CES5A: variants seen among roughly 807,000 people sequenced by gnomAD.
The protein encoded by CES5A is carboxylesterase 5.
A neutral mutation model predicts 62.9 loss-of-function variants in CES5A; 67 were observed. The observed-to-expected ratio is 1.07, with a 90% CI of 0.88 to 1.31. The LOEUF is 1.31. Among genes scored for constraint, CES5A ranks in the 50% most tolerant of loss-of-function variants. The probability of loss-of-function intolerance (pLI) is 0.00; values close to 1 mark genes in which losing one functional copy is unlikely to be tolerated. For missense variants in CES5A, 748 were observed against 708.5 expected, an observed-to-expected ratio of 1.06 and a Z score of -0.63; for synonymous variants, 296 against 280.8, an observed-to-expected ratio of 1.05 and a Z score of -0.54.
At chr16:55,856,057 C>A (rs2142390404) in intron 9 of CES5A, among the ~76,000 whole-genome samples, 1 of 152,308 alleles carries the variant, frequency 6.6e-6, no homozygotes, top group African/African-American at 2.4e-5. Flanking sequence ...GACATGACTT[C>A]TTCCCCTGCA....
chr16:55,878,773 G>A (rs1311099393), upstream of CES5A, among the ~76,000 whole-genome samples: 1 of 136,962 alleles, frequency 7.3e-6, no homozygotes, highest in East Asian at 2.2e-4. Flanking sequence ...CCCCATCACT[G>A]CACCTCCACC....
upstream of CES5A, among the ~76,000 whole-genome samples, chr16:55,876,109 TCCTTGGAGTACA>T (rs2033689869): frequency 6.6e-6 from 1 of 152,248 alleles, no homozygotes. Flanking sequence ...ACTGTCTTCC[TCCTTGGAGTACA>T]CCTAGGACTT....
intron 1 of CES5A, among the ~76,000 whole-genome samples, chr16:55,892,584 C>A (rs1204110275): frequency 6.6e-6 from 1 of 152,052 alleles, no homozygotes; most frequent in East Asian, 1.9e-4. Flanking sequence ...ATACAAAAAA[C>A]TCAAGCAATT....
chr16:55,875,469 GC>G (rs1394248590), upstream of CES5A: 1 of 908,492 alleles, frequency 1.1e-6, no homozygotes, highest in Non-Finnish European at 1.5e-6. Context: ...AATTTGATAG[GC>G]TTTGGACTTC....
In CES5A at chr16:55,866,101, A is replaced by G. The variant is rs748780490; in HGVS notation, c.567T>C (p.His189=). ...IFGFFTTWDQ[H]APGNWAFKDQ... is the part of the protein sequence containing the mutation. ...CCTTGAAGGCCCAGTTCCCCGGAGC[A>G]TGCTGATCCCATGTGCTGAGGACAA... The change falls in exon 5 of 13, where the codon CAT becomes CAC. Residue 189 remains histidine, a synonymous_variant. Coordinates refer to ENST00000290567, the MANE Select transcript of CES5A (RefSeq NM_001143685.2). 1 of 1,613,182 alleles carries G rather than the reference A, an allele frequency of 6.2e-7. No individual in the cohort carries two copies. Among genetic ancestry groups the G allele is most frequent in the Non-Finnish European group, 8.5e-7 (1 of 1,179,484 alleles).
intron 1 of CES5A, among the ~76,000 whole-genome samples, chr16:55,888,638 C>T (rs750311335): frequency 2.0e-5 from 3 of 152,186 alleles, no homozygotes; most frequent in South Asian, 2.1e-4. Context: ...CTCTGCTTTT[C>T]GGGGAATCCA....
chr16:55,913,411 G>C (rs1480001418), intron 1 of CES5A, among the ~76,000 whole-genome samples: 5 of 152,160 alleles, frequency 3.3e-5, no homozygotes, highest in African/African-American at 1.2e-4. Context: ...GGAGGTTCAG[G>C]CTCTTGGAGC....
intron 1 of CES5A, among the ~76,000 whole-genome samples, chr16:55,909,490 C>T (rs2034070625): frequency 6.6e-6 from 1 of 151,880 alleles, no homozygotes; most frequent in Non-Finnish European, 1.5e-5. Context: ...AGAGAGGTGG[C>T]AGAGAGGAGC....
intron 11 of CES5A, among the ~76,000 whole-genome samples, chr16:55,847,291 C>G (rs1194014837): frequency 6.7e-6 from 1 of 149,044 alleles, no homozygotes; most frequent in Non-Finnish European, 1.5e-5. Flanking sequence ...TCTCTCTCTT[C>G]CTTCTTTCTC....
chr16:55,869,431 C>T, intron 4 of CES5A, 180 bp downstream of exon 4: 1 of 1,194,108 alleles, frequency 8.4e-7, no homozygotes. Context: ...TTTATTGTTT[C>T]AAGCCACCAA....
At chr16:55,880,348 G>A (rs1378625330), upstream of CES5A, among the ~76,000 whole-genome samples, 1 of 152,188 alleles carries the variant, frequency 6.6e-6, no homozygotes, top group African/African-American at 2.4e-5. Flanking sequence ...CAACAGAAGG[G>A]TCATGAGAGC....
At chr16:55,897,750 T>TAA (rs2033948793) in intron 1 of CES5A, among the ~76,000 whole-genome samples, 1 of 152,226 alleles carries the variant, frequency 6.6e-6, no homozygotes, top group Non-Finnish European at 1.5e-5. Context: ...TTTTAAAAGT[T>TAA]AATTTGCCAT....
chr16:55,894,066 T>C (rs1377781817), intron 1 of CES5A, among the ~76,000 whole-genome samples: 2 of 151,690 alleles, frequency 1.3e-5, no homozygotes, highest in East Asian at 3.9e-4. Flanking sequence ...AACCAAAAGA[T>C]GAAAAACTGA....
intron 3 of CES5A, among the ~76,000 whole-genome samples, chr16:55,870,488 C>G (rs2033560778): frequency 6.6e-6 from 1 of 152,118 alleles, no homozygotes; most frequent in South Asian, 2.1e-4. Flanking sequence ...ATTGCCTGAG[C>G]TCAGGAGTTC....
At chr16:55,854,531 CTT>C (rs763141152) in intron 9 of CES5A, among the ~76,000 whole-genome samples, 26 of 52,138 alleles carry the variant, frequency 5.0e-4, no homozygotes, top group East Asian at 1.9e-3. Flanking sequence ...TGTAGTGTTT[CTT>C]TTTTTTTTTT....
intron 1 of CES5A, among the ~76,000 whole-genome samples, chr16:55,903,429 G>A (rs1353113565): frequency 6.6e-6 from 1 of 152,184 alleles, no homozygotes; most frequent in Non-Finnish European, 1.5e-5. Flanking sequence ...GCAGTGATTT[G>A]GGGCAAGATA....
At chr16:55,907,089 A>C (rs527525485) in intron 1 of CES5A, among the ~76,000 whole-genome samples, 2 of 152,356 alleles carry the variant, frequency 1.3e-5, no homozygotes, top group South Asian at 4.1e-4. Flanking sequence ...TTTGGTGATG[A>C]TGATGATGAC....
At chr16:55,870,813 T>C (rs1276845703) in intron 3 of CES5A, among the ~76,000 whole-genome samples, 1 of 152,160 alleles carries the variant, frequency 6.6e-6, no homozygotes, top group Non-Finnish European at 1.5e-5. Context: ...TCCCTTCCAT[T>C]CTCTTTCTTA....
chr16:55,864,601 A>G (rs1312049967), intron 5 of CES5A, among the ~76,000 whole-genome samples: 1 of 152,254 alleles, frequency 6.6e-6, no homozygotes, highest in Non-Finnish European at 1.5e-5. Flanking sequence ...GGCTAAAAAA[A>G]TATTGCTGTC....
Sources: allele counts gnomAD v4.1 joint callset (sites outside exome capture counted in the v4.1 genomes callset), GRCh38; gene constraint gnomAD v4.1.1; transcripts MANE v1.5; gene names NCBI Gene and HGNC (gene_info 2026-07-23, HGNC 2026-07-21).